SORCS1: variants seen among roughly 807,000 people sequenced by gnomAD.
The protein encoded by SORCS1 is VPS10 domain-containing receptor SorCS1.
SORCS1 carries 60 observed loss-of-function variants against 146.1 expected under a neutral mutation model. That is an observed-to-expected ratio of 0.41 (90% CI 0.33 to 0.51). SORCS1 has a LOEUF of 0.51. Ranked by LOEUF, SORCS1 falls within the 20% of genes least tolerant of loss-of-function variation. SORCS1 has a pLI of 0.21. For synonymous variants in SORCS1, 637 were observed against 584.0 expected (o/e 1.09, Z -1.31); for missense variants, 1,352 against 1,487.6 (o/e 0.91, Z 1.50).
At chr10:106,647,992 C>A (rs1849574790) in intron 18 of SORCS1, among the ~76,000 whole-genome samples, 1 of 152,050 alleles carries the variant, frequency 6.6e-6, no homozygotes, top group African/African-American at 2.4e-5. Context: ...CTTAGCCTCC[C>A]AAGTAGCTGG....
At chr10:107,028,565 G>T (rs1467197797) in intron 1 of SORCS1, among the ~76,000 whole-genome samples, 2 of 152,202 alleles carry the variant, frequency 1.3e-5, no homozygotes. Flanking sequence ...ATTAGTAAGA[G>T]CATCATTTTA....
chr10:107,057,694 G>A (rs189654552), intron 1 of SORCS1, among the ~76,000 whole-genome samples: 7 of 152,184 alleles, frequency 4.6e-5, no homozygotes, highest in South Asian at 2.1e-4. Context: ...TTGATTTGCC[G>A]AGCATTTTTG....
At chr10:106,858,487 G>A (rs1949877011) in intron 2 of SORCS1, among the ~76,000 whole-genome samples, 1 of 151,822 alleles carries the variant, frequency 6.6e-6, no homozygotes, top group South Asian at 2.1e-4. Context: ...GGGTGTGGTG[G>A]CAGGCACCTG....
intron 2 of SORCS1, among the ~76,000 whole-genome samples, chr10:106,926,826 T>TAC (rs749988156): frequency 1.4e-5 from 2 of 140,120 alleles, no homozygotes; most frequent in East Asian, 2.2e-4. Context: ...AAGGAATATA[T>TAC]ATACACACAC....
At chr10:107,089,457 T>A (rs2134296518) in intron 1 of SORCS1, among the ~76,000 whole-genome samples, 1 of 152,334 alleles carries the variant, frequency 6.6e-6, no homozygotes, top group South Asian at 2.1e-4. Context: ...ATCTTGTCTT[T>A]AAAAATCTGC....
chr10:107,172,333 A>G, the SORCS1 span, among the ~76,000 whole-genome samples: 32,560 of 152,164 alleles, frequency 0.21, 3,555 homozygotes, highest in African/African-American at 0.23. Context: ...GTCCTGTGCC[A>G]TCATCCACTA....
At chr10:106,690,796 T>C (rs763526724) in intron 9 of SORCS1, among the ~76,000 whole-genome samples, 3 of 152,192 alleles carry the variant, frequency 2.0e-5, no homozygotes, top group Non-Finnish European at 4.4e-5. Flanking sequence ...TCTGCAAATG[T>C]AGTCAGCCCT....
intron 2 of SORCS1, among the ~76,000 whole-genome samples, chr10:106,932,494 T>A (rs1271600007): frequency 1.3e-5 from 2 of 152,290 alleles, no homozygotes; most frequent in East Asian, 1.9e-4. Context: ...GTGATAGTGA[T>A]CTTTCTCCCC....
chr10:107,113,261 G>C (rs1965811924), intron 1 of SORCS1, among the ~76,000 whole-genome samples: 1 of 151,890 alleles, frequency 6.6e-6, no homozygotes, highest in East Asian at 1.9e-4. Context: ...ACAATCAATG[G>C]TTCAAAGAAA....
chr10:106,877,947 T>C (rs1482026495), intron 2 of SORCS1, among the ~76,000 whole-genome samples: 1 of 152,152 alleles, frequency 6.6e-6, no homozygotes, highest in Non-Finnish European at 1.5e-5. Context: ...AAATGTCAGT[T>C]TGTCTGACTC....
At chr10:106,709,060 T>A (rs1000412342) in intron 7 of SORCS1, among the ~76,000 whole-genome samples, 163 bp downstream of exon 7, 5 of 152,264 alleles carry the variant, frequency 3.3e-5, no homozygotes, top group African/African-American at 1.2e-4. Flanking sequence ...TCACTAATTA[T>A]CCTTTTATTG....
chr10:107,084,300 G>T (rs1963596911), intron 1 of SORCS1, among the ~76,000 whole-genome samples: 2 of 149,682 alleles, frequency 1.3e-5, no homozygotes, highest in Admixed American at 1.3e-4. Context: ...TAGAGATGTG[G>T]TTTCACCGTA....
chr10:106,674,388 C>CCAAG (rs1014371758), intron 14 of SORCS1, among the ~76,000 whole-genome samples: 7 of 133,906 alleles, frequency 5.2e-5, no homozygotes, highest in African/African-American at 2.0e-4. Context: ...AATTAGCTTA[C>CCAAG]CAAGTATTGA....
At chr10:106,692,213 G>A in intron 9 of SORCS1, among the ~76,000 whole-genome samples, 2 of 151,868 alleles carry the variant, frequency 1.3e-5, no homozygotes, top group Non-Finnish European at 2.9e-5. Flanking sequence ...AGCTAATTTT[G>A]GGTTCTTTTG....
Position 106,730,069 on chromosome 10 carries a change from C to A in SORCS1, c.1005G>T (p.Glu335Asp). 6.2e-7 allele frequency: 1 copy of A among 1,614,112 alleles called. No homozygotes were observed. The highest frequency in any genetic ancestry group is 8.5e-7 in the Non-Finnish European group (1 of 1,180,008). ...ACTTACGACCATCCACAGTTCTGGC[C>A]TCAAGATGCACAAGGTCTGGTTCTT... Reference protein sequence around the residue: ...SNKEPDLVHLEARTVDGHSHY... With the variant: ...SNKEPDLVHLDARTVDGHSHY... Residue 335 changes from glutamate to aspartate, a missense_variant, in exon 6 of 26, where the codon GAG becomes GAT. Physicochemically the swap from Glu to Asp is conservative, Grantham distance 45 (BLOSUM62 2). Transcript: ENST00000263054.
intron 17 of SORCS1, among the ~76,000 whole-genome samples, chr10:106,653,043 G>A (rs955315971): frequency 1.3e-5 from 2 of 152,312 alleles, no homozygotes; most frequent in East Asian, 3.9e-4. Flanking sequence ...CAGTAATGGT[G>A]TAGCACAGAA....
At chr10:107,035,322 T>C (rs921514901) in intron 1 of SORCS1, among the ~76,000 whole-genome samples, 2 of 149,272 alleles carry the variant, frequency 1.3e-5, no homozygotes, top group Non-Finnish European at 3.0e-5. Flanking sequence ...ACATTACGCA[T>C]GGTTCTCTTT....
chr10:107,179,539 T>C, the SORCS1 span, among the ~76,000 whole-genome samples: 1 of 152,328 alleles, frequency 6.6e-6, no homozygotes, highest in East Asian at 1.9e-4. Flanking sequence ...ATTTAGATCA[T>C]TGTGTGTATT....
At chr10:106,935,086 T>C (rs1036971852) in intron 2 of SORCS1, among the ~76,000 whole-genome samples, 6 of 151,080 alleles carry the variant, frequency 4.0e-5, no homozygotes, top group Non-Finnish European at 8.8e-5. Context: ...TACTTACAAA[T>C]AAAAAAAAGA....
Sources: gnomAD v4.1 joint callset for allele counts (sites outside exome capture counted in the v4.1 genomes callset) on GRCh38, gnomAD v4.1.1 for gene constraint, MANE v1.5 for transcripts, NCBI Gene and HGNC (gene_info 2026-07-23, HGNC 2026-07-21) for gene names.